Variants in TRPC3 observed in about 807,000 individuals in gnomAD.
The protein encoded by TRPC3 is transient receptor potential cation channel subfamily C member 3.
A neutral mutation model predicts 90.9 loss-of-function variants in TRPC3; 54 were observed. The observed-to-expected ratio is 0.59, with a 90% confidence interval of 0.48 to 0.75. The LOEUF (loss-of-function observed/expected upper bound fraction) is 0.75, where lower values mean the gene tolerates loss of function less well. TRPC3 is among the 30% of genes least tolerant of loss of function. The probability of loss-of-function intolerance (pLI) is 0.00; values close to 1 mark genes in which losing one functional copy is unlikely to be tolerated. For synonymous variants in TRPC3, 424 were observed against 450.9 expected, an observed-to-expected ratio of 0.94 and a Z score of 0.75; for missense variants, 918 against 1,194.5, an observed-to-expected ratio of 0.77 and a Z score of 3.41.
chr4:121,948,660 A>G (rs1730574969), intron 1 of TRPC3, among the ~76,000 whole-genome samples: 2 of 152,136 alleles, frequency 1.3e-5, no homozygotes, highest in Non-Finnish European at 2.9e-5. Context: ...ACCAAACTCA[A>G]CTAATATTCC....
intron 1 of TRPC3, among the ~76,000 whole-genome samples, chr4:121,950,370 C>A (rs1032155731): frequency 3.9e-5 from 6 of 152,202 alleles, no homozygotes; most frequent in Non-Finnish European, 7.3e-5. Flanking sequence ...CGCTGCAGAA[C>A]CTCGGTCCCC....
At chr4:121,882,218 A>G (rs2149103583) in intron 11 of TRPC3, 136 bp downstream of exon 11, 3 of 661,964 alleles carry the variant, frequency 4.5e-6, no homozygotes, top group South Asian at 4.6e-5. Flanking sequence ...GAAACGTAAC[A>G]TAAGATCCTC....
chr4:121,942,304 A>G (rs1578658107), intron 1 of TRPC3, among the ~76,000 whole-genome samples: 1 of 152,172 alleles, frequency 6.6e-6, no homozygotes, highest in East Asian at 1.9e-4. Context: ...GCTCATGCCT[A>G]TAATCCCAGT....
chr4:121,899,496 A>G (rs1447057335), intron 10 of TRPC3, 116 bp downstream of exon 10: 4 of 735,062 alleles, frequency 5.4e-6, no homozygotes, highest in African/African-American at 1.8e-5. Flanking sequence ...AACTATCCTC[A>G]TGGTATAATG....
At chr4:121,882,502 C>T in intron 10 of TRPC3, 73 bp from the exon 11 acceptor site, 3 of 1,387,342 alleles carry the variant, frequency 2.2e-6, no homozygotes, top group African/African-American at 1.5e-5. Flanking sequence ...TCCAAAGAGG[C>T]TTACATACCT....
chr4:121,906,161 C>T (rs1215119384), intron 7 of TRPC3, among the ~76,000 whole-genome samples: 2 of 152,042 alleles, frequency 1.3e-5, no homozygotes, highest in Non-Finnish European at 2.9e-5. Context: ...CTTTATTGTG[C>T]TTATTTTAAA....
chr4:121,946,384 C>T (rs1365979507), intron 1 of TRPC3, among the ~76,000 whole-genome samples: 1 of 151,930 alleles, frequency 6.6e-6, no homozygotes, highest in Non-Finnish European at 1.5e-5. Flanking sequence ...AGTTAGACAC[C>T]GTAGAAGATT....
rs199650762 is a variant in TRPC3, at chr4:121,914,791, G to A, written c.1330C>T (p.Pro444Ser). 1.9e-6 allele frequency: 3 copies of A among 1,610,200 alleles called. No homozygotes were observed. Among genetic ancestry groups the A allele is most frequent in the Admixed American group, 1.7e-5 (1 of 59,912 alleles). ...PFLAIGYWIA[P>S]CSRLGKILRS... ...TAGAAAGCAAGTACCCTGCTGCAAG[G>A]TGCGATCCAGTAGCCAATGGCCAGG... Residue 444 changes from proline (P) to serine (S), a missense_variant, in exon 4 of 12, where the codon CCT becomes TCT. Physicochemically the swap from Pro to Ser is moderately conservative, Grantham distance 74. This residue lies in a region of TRPC3 where 609 missense variants were observed against 725.9 expected (regional missense o/e 0.84). Coordinates refer to ENST00000379645, the MANE Select transcript of TRPC3 (RefSeq NM_001130698.2).
chr4:121,926,189 C>G (rs898636806), intron 2 of TRPC3, among the ~76,000 whole-genome samples: 13 of 152,128 alleles, frequency 8.5e-5, no homozygotes, highest in Non-Finnish European at 1.6e-4. Flanking sequence ...CAACCTTACA[C>G]AAAAAATACC....
Position 121,907,536 on chromosome 4 carries a change from C to T in TRPC3, c.1824G>A (p.Gln608=), listed in dbSNP as rs544037886. Residue 608 remains glutamine (Q), a synonymous_variant, in exon 7 of 12, where the codon CAG becomes CAA. Transcript: ENST00000379645. The stretch of plus-strand genomic sequence containing the variant: ...TGGCATAAAGGCCTTCAGATATAAT[C>T]TGAGGGTCAGAAGGGAGCCATTTAT... ...ARDKWLPSDP[Q]IISEGLYAIA... 6.2e-7 allele frequency: 1 copy of T among 1,612,270 alleles called. No individual in the cohort carries two copies. The highest frequency in any genetic ancestry group is 1.3e-5 in the African/African-American group (1 of 74,908).
chr4:121,899,560 G>T, intron 10 of TRPC3, 52 bp downstream of exon 10: 1 of 1,451,474 alleles, frequency 6.9e-7, no homozygotes, highest in Non-Finnish European at 9.7e-7. Flanking sequence ...CACACACGCA[G>T]ACATATATGG....
At chr4:121,894,416 CA>C (rs1249618784) in intron 10 of TRPC3, among the ~76,000 whole-genome samples, 8 of 152,002 alleles carry the variant, frequency 5.3e-5, no homozygotes, top group Non-Finnish European at 1.2e-4. Flanking sequence ...TTGGGAACTT[CA>C]ACCTCACTCT....
Position 121,951,643 on chromosome 4 carries a change from C to CT in TRPC3, c.37dup (p.Arg13LysfsTer92), listed in dbSNP as rs764181871. On this transcript the variant is annotated frameshift_variant, in exon 1 of 12. Transcript: ENST00000379645. LOFTEE classifies it high-confidence loss of function. The surrounding 1 kb of genome is among the most constrained non-coding windows in gnomAD (Gnocchi z 4.4). ...CTCCTCCGGCGCCGGGAAGGTCACC[C>CT]TTGCTTGTTCTTTGCACTTCCTGAC... is the stretch of plus-strand genomic sequence containing the variant. The CT allele has an allele frequency of 7.1e-7, 1 of 1,403,202 alleles. No individual in the cohort carries two copies. 86.9% of individuals were successfully genotyped at this position (1,403,202 alleles called of 1,614,324 possible). A position where few individuals can be genotyped will look rare whatever the true frequency, so the allele number is the denominator to read the frequency against.
At chr4:121,882,201 A>G (rs867473557) in intron 11 of TRPC3, among the ~76,000 whole-genome samples, 153 bp downstream of exon 11, 19 of 152,176 alleles carry the variant, frequency 1.2e-4, no homozygotes, top group Admixed American at 1.3e-4. Flanking sequence ...TAAAAGATGA[A>G]GTTTTAGAAA....
intron 7 of TRPC3, among the ~76,000 whole-genome samples, chr4:121,905,493 A>G (rs1471953255): frequency 6.6e-5 from 10 of 152,162 alleles, no homozygotes; most frequent in Non-Finnish European, 1.5e-4. Flanking sequence ...CAGACTAATT[A>G]CCTAAGTTCG....
intron 8 of TRPC3, among the ~76,000 whole-genome samples, chr4:121,903,340 G>A (rs1190350372): frequency 6.6e-6 from 1 of 152,036 alleles, no homozygotes; most frequent in Non-Finnish European, 1.5e-5. Context: ...GAAAAATAGA[G>A]TGCCAAGGAA....
chr4:121,883,192 C>T (rs7437139), intron 10 of TRPC3, among the ~76,000 whole-genome samples: 5,862 of 151,746 alleles, frequency 0.039, 355 homozygotes, highest in African/African-American at 0.13. Flanking sequence ...CTTAAAAGAA[C>T]GTATTATATA....
intron 5 of TRPC3, among the ~76,000 whole-genome samples, chr4:121,911,368 G>T (rs1009888962): frequency 2.0e-5 from 3 of 152,164 alleles, no homozygotes; most frequent in African/African-American, 7.2e-5. Flanking sequence ...ATGGGTTATT[G>T]TAAGACGAAA....
intron 1 of TRPC3, among the ~76,000 whole-genome samples, chr4:121,946,320 C>G (rs1279109037): frequency 1.3e-5 from 2 of 152,100 alleles, no homozygotes; most frequent in Non-Finnish European, 2.9e-5. Flanking sequence ...AAAAAGACCT[C>G]ATACAAAGAA....
Sources: allele counts gnomAD v4.1 joint callset (sites outside exome capture counted in the v4.1 genomes callset), GRCh38; gene constraint gnomAD v4.1.1; regional missense constraint gnomAD v4.1.1; non-coding constraint Gnocchi (gnomAD v3.1); transcripts MANE v1.5; gene names NCBI Gene and HGNC (gene_info 2026-07-23, HGNC 2026-07-21).